Variants in P2RY14 observed in about 807,000 individuals in gnomAD.
P2RY14 encodes purinergic receptor P2Y14.
In P2RY14, 2 loss-of-function variants were observed where a neutral mutation model predicts 0.9. The ratio of observed to expected loss-of-function variants is 2.16; its 90% confidence interval spans 0.88 to 6.79. The LOEUF (loss-of-function observed/expected upper bound fraction) is 6.79. Among genes scored for constraint, P2RY14 ranks in the 30% most tolerant of loss-of-function variants. The pLI, the probability that P2RY14 is intolerant of heterozygous loss-of-function variation, is 0.05. For missense variants in P2RY14, 378 were observed against 400.1 expected, an observed-to-expected ratio of 0.94 and a Z score of 0.47; for synonymous variants, 158 against 147.2, an observed-to-expected ratio of 1.07 and a Z score of -0.53.
intron 1 of P2RY14, among the ~76,000 whole-genome samples, chr3:151,273,578 T>A (rs1197542587): frequency 6.6e-6 from 1 of 151,964 alleles, no homozygotes; most frequent in Non-Finnish European, 1.5e-5. Context: ...TCTGGGTAAT[T>A]TATGTATATA....
intron 1 of P2RY14, among the ~76,000 whole-genome samples, chr3:151,236,504 G>T (rs1015998056): frequency 1.3e-5 from 2 of 152,114 alleles, no homozygotes; most frequent in East Asian, 1.9e-4. Context: ...TAACCAAAAC[G>T]AAAGCCAAGA....
intron 1 of P2RY14, among the ~76,000 whole-genome samples, chr3:151,258,602 C>T (rs140148090): frequency 3.3e-5 from 5 of 152,164 alleles, no homozygotes; most frequent in African/African-American, 1.2e-4. Context: ...TACCTTTGTT[C>T]ACTTTAGATC....
chr3:151,230,838 C>T (rs536474338), intron 1 of P2RY14, among the ~76,000 whole-genome samples: 4 of 152,284 alleles, frequency 2.6e-5, no homozygotes, highest in Admixed American at 1.3e-4. Flanking sequence ...TAGTGACTTC[C>T]CACTGTCAGT....
chr3:151,245,348 A>G (rs1478929472), intron 1 of P2RY14, among the ~76,000 whole-genome samples: 1 of 151,952 alleles, frequency 6.6e-6, no homozygotes, highest in African/African-American at 2.4e-5. Context: ...ATCCTTGATG[A>G]ACATTGATGC....
At chr3:151,224,082 C>T (rs1488058952) in intron 1 of P2RY14, among the ~76,000 whole-genome samples, 1 of 152,112 alleles carries the variant, frequency 6.6e-6, no homozygotes, top group Admixed American at 6.5e-5. Flanking sequence ...TTAGTGTCTG[C>T]ACTTCTGTTT....
intron 1 of P2RY14, among the ~76,000 whole-genome samples, chr3:151,260,504 T>C (rs914924167): frequency 5.3e-5 from 8 of 152,008 alleles, no homozygotes; most frequent in African/African-American, 1.9e-4. Context: ...CGTGTACCAC[T>C]GTGTCCAGCT....
intron 1 of P2RY14, 39 bp downstream of exon 1, chr3:151,278,248 A>G (rs952753666): frequency 6.6e-6 from 1 of 152,238 alleles, no homozygotes; most frequent in African/African-American, 2.4e-5. Flanking sequence ...CACCATTCAC[A>G]TACATGCAAG....
At chr3:151,250,191 C>T (rs1346705620) in intron 1 of P2RY14, among the ~76,000 whole-genome samples, 1 of 152,180 alleles carries the variant, frequency 6.6e-6, no homozygotes, top group Non-Finnish European at 1.5e-5. Flanking sequence ...TCTAGAACTG[C>T]CAAAGACCTC....
chr3:151,228,785 T>C (rs1476249229), intron 1 of P2RY14, among the ~76,000 whole-genome samples: 1 of 152,232 alleles, frequency 6.6e-6, no homozygotes, highest in African/African-American at 2.4e-5. Flanking sequence ...GAACCAATTC[T>C]TTTTTCTCCT....
At chr3:151,262,351 C>T (rs1739066955) in intron 1 of P2RY14, among the ~76,000 whole-genome samples, 1 of 152,118 alleles carries the variant, frequency 6.6e-6, no homozygotes, top group East Asian at 1.9e-4. Flanking sequence ...TGTGGTTTGC[C>T]CCCAACTTTT....
chr3:151,260,798 C>CT (rs1021931635), intron 1 of P2RY14, among the ~76,000 whole-genome samples: 7 of 151,814 alleles, frequency 4.6e-5, no homozygotes, highest in South Asian at 2.1e-4. Flanking sequence ...TAACTGTAAT[C>CT]TTTTTTTTTC....
chr3:151,277,987 G>A (rs1742173089), intron 1 of P2RY14, among the ~76,000 whole-genome samples: 1 of 152,166 alleles, frequency 6.6e-6, no homozygotes, highest in Non-Finnish European at 1.5e-5. Flanking sequence ...TGTCCTGGAT[G>A]AATACCTTTT....
At position 151,212,233 on chromosome 3, in the gene P2RY14, C is replaced by T. The variant is rs1255340823; in HGVS notation, c.*1067G>A. ...GAAAAATAGATGAATGTCTTCTAGC[C>T]AGTTAATAGCAGAGAAAGAATTTAG... On this transcript the variant is annotated 3_prime_UTR_variant, in exon 3 of 3. Transcript: ENST00000309170. 1 of 152,050 alleles carries T rather than the reference C, an allele frequency of 6.6e-6. No homozygotes were observed. The highest frequency in any genetic ancestry group is 2.4e-5 in the African/African-American group (1 of 41,388). The allele number at this position is 152,050 out of a possible 1,614,324, so 9.4% of individuals were successfully genotyped here.
intron 2 of P2RY14, among the ~76,000 whole-genome samples, chr3:151,218,634 C>T (rs1019995731): frequency 2.6e-5 from 4 of 151,654 alleles, no homozygotes; most frequent in Non-Finnish European, 4.4e-5. Flanking sequence ...TTTGGGAGGC[C>T]GAGGTGGGTG....
intron 1 of P2RY14, among the ~76,000 whole-genome samples, chr3:151,221,160 G>C (rs1267521474): frequency 1.3e-5 from 2 of 152,210 alleles, no homozygotes; most frequent in Non-Finnish European, 2.9e-5. Context: ...ACTTGAGGGA[G>C]ATGATTTAGG....
rs147461607 is a variant in P2RY14, at chr3:151,267,689, A to G, written c.-133+10598T>C. ...CTTGTAACATGTATTACTTATATAT[A>G]TAAGTCAGTTTTCAACAGAGCTGCT... On this transcript the variant is annotated intron_variant, in intron 1 of 2. Transcript: ENST00000309170. Among the ~76,000 whole-genome samples the G allele has an allele frequency of 5.0e-3, 767 of 152,252 alleles. 12 individuals are homozygous for G. Among genetic ancestry groups the G allele is most frequent in the African/African-American group, 0.017 (715 of 41,572 alleles).
At chr3:151,243,528 C>T (rs371445715) in intron 1 of P2RY14, among the ~76,000 whole-genome samples, 50 of 152,074 alleles carry the variant, frequency 3.3e-4, no homozygotes, top group East Asian at 5.8e-4. Flanking sequence ...GCTTCATAAG[C>T]GAAGGAGAAA....
intron 1 of P2RY14, among the ~76,000 whole-genome samples, chr3:151,247,328 G>A (rs1482009397): frequency 2.0e-5 from 3 of 152,004 alleles, no homozygotes; most frequent in African/African-American, 4.8e-5. Context: ...GTTTATTGTG[G>A]CATTATTCAC....
chr3:151,246,811 A>G (rs1000245847), intron 1 of P2RY14, among the ~76,000 whole-genome samples: 2 of 152,252 alleles, frequency 1.3e-5, no homozygotes, highest in Non-Finnish European at 2.9e-5. Flanking sequence ...AGCAAAAGAT[A>G]CTACCATCAG....
Sources: gnomAD v4.1 joint callset for allele counts (sites outside exome capture counted in the v4.1 genomes callset) on GRCh38, gnomAD v4.1.1 for gene constraint, MANE v1.5 for transcripts, NCBI Gene and HGNC (gene_info 2026-07-23, HGNC 2026-07-21) for gene names.